The following PHTF2 variants were observed in gnomAD, a reference collection of about 807,000 sequenced individuals.
PHTF2 encodes protein PHTF2.
PHTF2 carries 60 observed loss-of-function variants against 101.2 expected under a neutral mutation model. That is an observed-to-expected ratio of 0.59 (90% CI 0.48 to 0.73). The LOEUF (loss-of-function observed/expected upper bound fraction) is 0.73, where lower values mean the gene tolerates loss of function less well. Ranked by LOEUF, PHTF2 falls within the 30% of genes least tolerant of loss-of-function variation. The pLI is 0.00. For synonymous variants in PHTF2, 311 were observed against 307.3 expected, an observed-to-expected ratio of 1.01 and a Z score of -0.13; for missense variants, 747 against 908.7, an observed-to-expected ratio of 0.82 and a Z score of 2.29.
rs1290815758 is a variant in PHTF2, at chr7:77,802,742, A to C, written c.-36+3771A>C. Among the ~76,000 whole-genome samples the C allele has an allele frequency of 2.6e-5, 4 of 152,140 alleles. No homozygotes were observed. The South Asian group carries it at 8.3e-4, about 32-fold the overall frequency. Reference sequence around the variant, plus strand: ...TTTTTTGTACATACAGGGTCTTGCTATGTTGGCCAGGCTAGAGACCTCAAG... The same window carrying C: ...TTTTTTGTACATACAGGGTCTTGCTCTGTTGGCCAGGCTAGAGACCTCAAG... On this transcript the variant is annotated intron_variant, in intron 1 of 19. Transcript: ENST00000416283.
chr7:77,853,158 C>G (rs59033784), intron 2 of PHTF2, among the ~76,000 whole-genome samples: 13,464 of 152,046 alleles, frequency 0.089, 794 homozygotes, highest in South Asian at 0.19. Flanking sequence ...AAACTTTTTA[C>G]CCCAATATCT....
intron 11 of PHTF2, among the ~76,000 whole-genome samples, chr7:77,926,082 T>G (rs1184770610): frequency 6.6e-6 from 1 of 151,946 alleles, no homozygotes; most frequent in Non-Finnish European, 1.5e-5. Flanking sequence ...AAAACCCACT[T>G]ACTAATCTGC....
At position 77,802,285 on chromosome 7, in the gene PHTF2, G is replaced by T. The variant is rs17158068; in HGVS notation, c.-36+3314G>T. Among the ~76,000 whole-genome samples the T allele has an allele frequency of 5.6e-3, 853 of 152,206 alleles. 7 individuals carry two copies. Among genetic ancestry groups the T allele is most frequent in the African/African-American group, 0.019 (808 of 41,514 alleles). On this transcript the variant is annotated intron_variant, in intron 1 of 19. Coordinates refer to ENST00000416283, the Ensembl canonical transcript of PHTF2. ...GAGTACTACCCAATTTTGATAATTG[G>T]AAATTGCATACTTAGATACTAAAAT...
chr7:77,856,201 A>T (rs1331114003), intron 3 of PHTF2, among the ~76,000 whole-genome samples: 5 of 152,204 alleles, frequency 3.3e-5, no homozygotes, highest in Non-Finnish European at 7.3e-5. Context: ...CAGCATAACA[A>T]GACCCTCATC....
rs547752159 is a variant in PHTF2 at position 77,862,453 on chromosome 7, T to G, written c.147+7619T>G. On this transcript the variant is annotated intron_variant, in intron 3 of 19. Transcript: ENST00000416283. ...GCAGTCATTTGCTTATGACTTTTTT[T>G]GGATAAAAGGAATAGTTTTTCCGTT... Among the ~76,000 whole-genome samples the G allele has an allele frequency of 2.4e-4, 37 of 152,300 alleles. No individual in the cohort carries two copies. The East Asian group carries it at 6.9e-3, about 29-fold the overall frequency.
chr7:77,928,536 C>T (rs923320825), intron 11 of PHTF2, among the ~76,000 whole-genome samples: 1 of 152,088 alleles, frequency 6.6e-6, no homozygotes. Flanking sequence ...TGGGTATCCA[C>T]GTGAGATTGG....
At chr7:77,905,040 T>TTTA (rs1801731522) in intron 7 of PHTF2, among the ~76,000 whole-genome samples, 1 of 152,128 alleles carries the variant, frequency 6.6e-6, no homozygotes, top group African/African-American at 2.4e-5. Context: ...GTTAGTGTAT[T>TTTA]TTATGTGTGG....
At chr7:77,924,956 G>A (rs1360639629) in intron 11 of PHTF2, among the ~76,000 whole-genome samples, 1 of 152,034 alleles carries the variant, frequency 6.6e-6, no homozygotes, top group Non-Finnish European at 1.5e-5. Flanking sequence ...GGAATTACTT[G>A]GTTATCTGGG....
intron 18 of PHTF2, among the ~76,000 whole-genome samples, chr7:77,952,087 A>C (rs1806596815): frequency 6.6e-6 from 1 of 152,100 alleles, no homozygotes; most frequent in Non-Finnish European, 1.5e-5. Context: ...AGTTAGCTTA[A>C]AAAGTAATAA....
chr7:77,849,655 A>AT (rs1320936355), intron 2 of PHTF2, among the ~76,000 whole-genome samples: 1 of 152,228 alleles, frequency 6.6e-6, no homozygotes, highest in Non-Finnish European at 1.5e-5. Flanking sequence ...TTTGGGTAGT[A>AT]TGCACGTTTT....
At chr7:77,917,571 T>G (rs1803050430) in intron 9 of PHTF2, among the ~76,000 whole-genome samples, 1 of 152,250 alleles carries the variant, frequency 6.6e-6, no homozygotes, top group Non-Finnish European at 1.5e-5. Flanking sequence ...TTATATCTTC[T>G]TTCTGTGTCA....
chr7:77,894,779 C>G (rs1800742773), intron 5 of PHTF2, among the ~76,000 whole-genome samples: 3 of 151,922 alleles, frequency 2.0e-5, no homozygotes, highest in Non-Finnish European at 1.5e-5. Context: ...GGAAGTGGTT[C>G]ATTAACTCAA....
At chr7:77,902,207 C>T (rs1381499630) in intron 7 of PHTF2, among the ~76,000 whole-genome samples, 2 of 152,204 alleles carry the variant, frequency 1.3e-5, no homozygotes, top group African/African-American at 2.4e-5. Context: ...TCCACACATA[C>T]ATACATACCA....
At chr7:77,913,119 G>A (rs1009775773) in intron 9 of PHTF2, among the ~76,000 whole-genome samples, 2 of 152,134 alleles carry the variant, frequency 1.3e-5, no homozygotes, top group African/African-American at 4.8e-5. Context: ...TGGGCACGGT[G>A]GCTCATGCCT....
chr7:77,836,505 G>A (rs1353696316), intron 1 of PHTF2, among the ~76,000 whole-genome samples: 1 of 152,128 alleles, frequency 6.6e-6, no homozygotes, highest in Non-Finnish European at 1.5e-5. Flanking sequence ...AATCAATACA[G>A]CAAATAAAGA....
intron 17 of PHTF2, among the ~76,000 whole-genome samples, chr7:77,951,279 AAAAG>A (rs1396916895): frequency 7.9e-5 from 12 of 152,318 alleles, no homozygotes; most frequent in African/African-American, 2.6e-4. Flanking sequence ...TCTCTAGTAA[AAAAG>A]AAAGAAAGAA....
chr7:77,877,836 T>G (rs1206615628), intron 3 of PHTF2, among the ~76,000 whole-genome samples: 1 of 152,188 alleles, frequency 6.6e-6, no homozygotes, highest in African/African-American at 2.4e-5. Context: ...AATGTTAATT[T>G]TATTCCTCTG....
chr7:77,943,121 T>G (rs928795666), intron 16 of PHTF2, among the ~76,000 whole-genome samples: 1 of 152,202 alleles, frequency 6.6e-6, no homozygotes, highest in Non-Finnish European at 1.5e-5. Context: ...TTTTCTTTCT[T>G]TCTTTCTTTC....
At chr7:77,917,401 A>C (rs1218394684) in intron 9 of PHTF2, among the ~76,000 whole-genome samples, 1 of 152,214 alleles carries the variant, frequency 6.6e-6, no homozygotes, top group Non-Finnish European at 1.5e-5. Flanking sequence ...TGTTAACCCC[A>C]GTCCTTTTCA....
Sources: gnomAD v4.1 joint callset for allele counts (sites outside exome capture counted in the v4.1 genomes callset) on GRCh38, gnomAD v4.1.1 for gene constraint, MANE v1.5 for transcripts, NCBI Gene and HGNC (gene_info 2026-07-23, HGNC 2026-07-21) for gene names.